Variants in LRTM1 observed in about 807,000 individuals in gnomAD.
LRTM1 encodes the protein leucine rich repeat transmembrane protein 1.
A neutral mutation model predicts 32.4 loss-of-function variants in LRTM1; 38 were observed. The observed-to-expected ratio is 1.17, with a 90% CI of 0.91 to 1.54. The LOEUF is 1.54. Among genes scored for constraint, LRTM1 ranks in the 40% most tolerant of loss-of-function variants. The probability of loss-of-function intolerance (pLI) is 0.00; values close to 1 mark genes in which losing one functional copy is unlikely to be tolerated. For missense variants in LRTM1, 466 were observed against 415.4 expected (o/e 1.12, Z -1.06); for synonymous variants, 186 against 169.9 (o/e 1.09, Z -0.74).
At chr3:54,966,552 C>T (rs1299537195) in intron 1 of LRTM1, among the ~76,000 whole-genome samples, 1 of 152,218 alleles carries the variant, frequency 6.6e-6, no homozygotes, top group East Asian at 1.9e-4. Context: ...AGCCACATGG[C>T]TCACATCTGT....
At chr3:54,958,166 T>C (rs896000858) in intron 1 of LRTM1, among the ~76,000 whole-genome samples, 2 of 152,214 alleles carry the variant, frequency 1.3e-5, no homozygotes, top group Non-Finnish European at 1.5e-5. Context: ...AAAATGTCAT[T>C]TAATGTCAAA....
upstream of LRTM1, among the ~76,000 whole-genome samples, chr3:54,929,011 G>A (rs1398514934): frequency 1.3e-5 from 2 of 152,122 alleles, no homozygotes; most frequent in Non-Finnish European, 2.9e-5. Context: ...AAAACAAAAT[G>A]TTCTGCTGTG....
chr3:54,956,625 T>G (rs1553928760), intron 1 of LRTM1, among the ~76,000 whole-genome samples: 1 of 152,138 alleles, frequency 6.6e-6, no homozygotes, highest in Non-Finnish European at 1.5e-5. Flanking sequence ...CTACAGACCC[T>G]GCCTCTTTAG....
rs142542421 is a variant in LRTM1, at chr3:54,918,649, C to T, written c.848G>A (p.Arg283His). The change falls in exon 3 of 3, where the codon CGT becomes CAT. Residue 283 changes from arginine (R) to histidine (H), a missense_variant. Physicochemically the swap from Arg to His is conservative, Grantham distance 29. Transcript: ENST00000273286. ...LKPKPRPANL[R>H]HAIATVIITG... is the part of the protein sequence containing the mutation. ...GATGATGACAGTGGCAATGGCATGA[C>T]GCAGGTTGGCCGGCCTTGGCTTGGG... 30 of 1,614,068 alleles carry T rather than the reference C, an allele frequency of 1.9e-5. No individual in the cohort carries two copies. Among genetic ancestry groups the T allele is most frequent in the Admixed American group, 1.7e-4 (10 of 60,010 alleles).
At chr3:54,932,724 G>A (rs943642445), upstream of LRTM1, among the ~76,000 whole-genome samples, 1 of 152,104 alleles carries the variant, frequency 6.6e-6, no homozygotes, top group African/African-American at 2.4e-5. Flanking sequence ...CAATTGTAAG[G>A]TCTGCCTTGG....
chr3:54,950,791 A>G (rs1332980394), intron 1 of LRTM1, among the ~76,000 whole-genome samples: 1 of 152,180 alleles, frequency 6.6e-6, no homozygotes, highest in African/African-American at 2.4e-5. Flanking sequence ...GGGCCAAAAT[A>G]AACGGGAAGG....
intron 1 of LRTM1, among the ~76,000 whole-genome samples, chr3:54,944,438 T>A (rs1318403955): frequency 3.5e-5 from 5 of 141,030 alleles, no homozygotes; most frequent in Admixed American, 1.4e-4. Context: ...TTATTTATTT[T>A]GAGACGGAAT....
chr3:54,924,827 G>T lies in LRTM1; in HGVS notation c.396C>A (p.Asn132Lys), dbSNP rs1700963796. 1 of 1,614,032 alleles carries T rather than the reference G, an allele frequency of 6.2e-7. No homozygotes were observed. The highest frequency in any genetic ancestry group is 8.5e-7 in the Non-Finnish European group (1 of 1,179,968). The change falls in exon 2 of 3, where the codon AAC (asparagine) becomes AAA (lysine). Residue 132 changes from asparagine (N) to lysine (K), a missense_variant. Coordinates refer to ENST00000273286, the MANE Select transcript of LRTM1 (RefSeq NM_020678.4). ...PQLRELDLSS[N>K]NISHLPTSLG... ...AGGATGTGGGAAGGTGGCTTATGTT[G>T]TTTGATGACAAATCAAGCTCCCTCA...
intron 1 of LRTM1, among the ~76,000 whole-genome samples, chr3:54,926,505 TACACACACACACAC>T (rs36205023): frequency 0.062 from 8,918 of 143,382 alleles, 409 homozygotes; most frequent in African/African-American, 0.12. Context: ...GCCTGTCAAA[TACACACACACACAC>T]ACACACACAC....
chr3:54,957,188 G>A (rs1701920039), intron 1 of LRTM1, among the ~76,000 whole-genome samples: 1 of 151,692 alleles, frequency 6.6e-6, no homozygotes, highest in Non-Finnish European at 1.5e-5. Flanking sequence ...TTTAGAGACA[G>A]GGTTTCTGTC....
intron 1 of LRTM1, among the ~76,000 whole-genome samples, chr3:54,945,362 A>T (rs1701586871): frequency 6.6e-6 from 1 of 152,188 alleles, no homozygotes; most frequent in Non-Finnish European, 1.5e-5. Flanking sequence ...CTTGGCCTCG[A>T]AAGTGGCCAA....
chr3:54,963,237 C>G (rs1702072306), intron 1 of LRTM1, among the ~76,000 whole-genome samples: 1 of 152,160 alleles, frequency 6.6e-6, no homozygotes, highest in Non-Finnish European at 1.5e-5. Context: ...TCTAAACCCC[C>G]TATACCTAAG....
chr3:54,953,590 T>C (rs945082399), intron 1 of LRTM1, among the ~76,000 whole-genome samples: 3 of 152,222 alleles, frequency 2.0e-5, no homozygotes, highest in Non-Finnish European at 4.4e-5. Context: ...CTTCTTGCAA[T>C]ACTTGGACAT....
At chr3:54,920,412 C>G (rs964395357) in intron 2 of LRTM1, among the ~76,000 whole-genome samples, 20 of 119,972 alleles carry the variant, frequency 1.7e-4, no homozygotes, top group African/African-American at 3.5e-4. Context: ...AATCACCCAC[C>G]ACCAGAGTGT....
intron 1 of LRTM1, among the ~76,000 whole-genome samples, chr3:54,933,837 C>T (rs929928482): frequency 9.2e-5 from 14 of 151,604 alleles, no homozygotes; most frequent in African/African-American, 3.4e-4. Flanking sequence ...GGCCTGGTCT[C>T]AGCTTACTGC....
At chr3:54,947,717 T>C (rs1701649978) in intron 1 of LRTM1, among the ~76,000 whole-genome samples, 1 of 152,158 alleles carries the variant, frequency 6.6e-6, no homozygotes, top group South Asian at 2.1e-4. Flanking sequence ...GACTCGGTCT[T>C]GGGAACAGAA....
chr3:54,959,506 A>G (rs1344906595), intron 1 of LRTM1, among the ~76,000 whole-genome samples: 1 of 129,166 alleles, frequency 7.7e-6, no homozygotes, highest in East Asian at 2.7e-4. Context: ...TGGCAACTAT[A>G]TGTGGCTGTT....
chr3:54,920,423 C>G (rs1221717244), intron 2 of LRTM1, among the ~76,000 whole-genome samples: 1 of 152,146 alleles, frequency 6.6e-6, no homozygotes, highest in Non-Finnish European at 1.5e-5. Flanking sequence ...ACCAGAGTGT[C>G]TTGGGTTCCT....
upstream of LRTM1, among the ~76,000 whole-genome samples, chr3:54,931,438 A>C (rs577864444): frequency 2.0e-5 from 3 of 152,206 alleles, no homozygotes; most frequent in African/African-American, 7.2e-5. Flanking sequence ...TGCTAATGCT[A>C]GGCAGTGCCT....
Sources: gnomAD v4.1 joint callset for allele counts (sites outside exome capture counted in the v4.1 genomes callset) on GRCh38, gnomAD v4.1.1 for gene constraint, MANE v1.5 for transcripts, NCBI Gene and HGNC (gene_info 2026-07-23, HGNC 2026-07-21) for gene names.